DHCR24: variants seen among roughly 807,000 people sequenced by gnomAD.
DHCR24 encodes the protein delta(24)-sterol reductase.
In DHCR24, 28 loss-of-function variants were observed where a neutral mutation model predicts 61.2. That is an observed-to-expected ratio of 0.46 (90% CI 0.34 to 0.63). The LOEUF is 0.63. Ranked by LOEUF, DHCR24 falls within the 20% of genes least tolerant of loss-of-function variation. The pLI, the probability that DHCR24 is intolerant of heterozygous loss-of-function variation, is 0.01. For synonymous variants in DHCR24, 261 were observed against 275.9 expected (o/e 0.95, Z 0.54); for missense variants, 538 against 679.1 (o/e 0.79, Z 2.31).
chr1:54,871,311 C>G, intron 5 of DHCR24, 39 bp downstream of exon 5: 1 of 1,612,010 alleles, frequency 6.2e-7, no homozygotes, highest in South Asian at 1.1e-5. Flanking sequence ...ACTCATGCCT[C>G]CCCAGTCTTG....
intron 6 of DHCR24, 23 bp downstream of exon 6, chr1:54,865,280 G>C: frequency 6.2e-7 from 1 of 1,608,304 alleles, no homozygotes; most frequent in Non-Finnish European, 8.5e-7. Context: ...GAGGAGCCAG[G>C]GCTACAGAAA....
intron 5 of DHCR24, 57 bp from the exon 6 acceptor site, chr1:54,865,503 G>A (rs1646963650): frequency 6.2e-7 from 1 of 1,609,648 alleles, no homozygotes; most frequent in Non-Finnish European, 8.5e-7. Flanking sequence ...GCACCATCGG[G>A]GTGTAACAGC....
intron 6 of DHCR24, among the ~76,000 whole-genome samples, chr1:54,857,202 G>T (rs2101558381): frequency 6.6e-6 from 1 of 152,338 alleles, no homozygotes; most frequent in South Asian, 2.1e-4. Flanking sequence ...TGGGATGTCA[G>T]GGTCCTAAGC....
At chr1:54,864,608 G>A (rs940800764) in intron 6 of DHCR24, among the ~76,000 whole-genome samples, 1 of 152,184 alleles carries the variant, frequency 6.6e-6, no homozygotes. Flanking sequence ...ACTACACAGA[G>A]GTAGTGGTTG....
chr1:54,851,687 A>T lies in DHCR24; in HGVS notation c.*546T>A, dbSNP rs1646875916. 1 of 157,036 alleles carries T rather than the reference A, an allele frequency of 6.4e-6. No individual in the cohort carries two copies. The highest frequency in any genetic ancestry group is 1.4e-5 in the Non-Finnish European group (1 of 70,734). 9.7% of individuals were successfully genotyped at this position (157,036 alleles called of 1,614,324 possible). ...GCCCTCCTGAGATCCCAGGGTGGGG[A>T]AGAGCTGTCCTTCTCCTGTGAGGAC... On this transcript the variant is annotated 3_prime_UTR_variant, in exon 9 of 9. Transcript: ENST00000371269.
intron 5 of DHCR24, among the ~76,000 whole-genome samples, chr1:54,870,997 T>C (rs1646995450): frequency 6.6e-6 from 1 of 152,238 alleles, no homozygotes. Context: ...AAGTTTACAT[T>C]ACCTCTTTTA....
intron 5 of DHCR24, among the ~76,000 whole-genome samples, chr1:54,867,203 G>A (rs1177284202): frequency 1.3e-5 from 2 of 152,240 alleles, no homozygotes; most frequent in Non-Finnish European, 2.9e-5. Context: ...CCTCCTCTGT[G>A]AAATGGGGGT....
Position 54,866,576 on chromosome 1 carries a change from TA to T in DHCR24, c.877-1131del, listed in dbSNP as rs145664337. Among the ~76,000 whole-genome samples the T allele has an allele frequency of 6.9e-3, 1,050 of 152,326 alleles. 9 individuals carry two copies. Among genetic ancestry groups the T allele is most frequent in the African/African-American group, 0.023 (967 of 41,576 alleles). On this transcript the variant is annotated intron_variant, in intron 5 of 8. Coordinates refer to ENST00000371269, the MANE Select transcript of DHCR24 (RefSeq NM_014762.4). ...AGGTTACTTAGCATTTCTGGAAGAC[TA>T]AAAGAGATGATGTAGAAAGTGCCAA...
intron 5 of DHCR24, among the ~76,000 whole-genome samples, chr1:54,865,812 T>G: frequency 7.1e-6 from 1 of 141,722 alleles, no homozygotes; most frequent in Non-Finnish European, 1.6e-5. Context: ...CCTTCCCACC[T>G]TCCCCAAGGC....
intron 2 of DHCR24, among the ~76,000 whole-genome samples, chr1:54,882,708 T>G (rs919700484): frequency 1.3e-5 from 2 of 152,166 alleles, no homozygotes; most frequent in African/African-American, 4.8e-5. Flanking sequence ...TGGATGAATC[T>G]CCAAATAAAG....
Position 54,854,195 on chromosome 1 carries a change from G to T in DHCR24, c.1060C>A (p.Leu354Ile). The T allele has an allele frequency of 6.2e-7, 1 of 1,614,122 alleles. No homozygotes were observed. The highest frequency in any genetic ancestry group is 1.1e-5 in the South Asian group (1 of 91,070). ...TTGGGAGGCACCATCCAGCCAAAGA[G>T]GTAGCGGAAGATGGGGTTGTTGCCA... ...PFGNNPIFRY[L>I]FGWMVPPKIS... The change falls in exon 7 of 9, where the codon CTC becomes ATC. Residue 354 changes from leucine to isoleucine, a missense_variant. Physicochemically the swap from Leu to Ile is conservative, Grantham distance 5. Coordinates refer to ENST00000371269, the MANE Select transcript of DHCR24 (RefSeq NM_014762.4).
chr1:54,859,077 A>G (rs545711457), intron 6 of DHCR24, among the ~76,000 whole-genome samples: 3 of 152,186 alleles, frequency 2.0e-5, no homozygotes, highest in Admixed American at 6.5e-5. Flanking sequence ...GAGAGGTGTG[A>G]CCTACGACTG....
intron 5 of DHCR24, 126 bp downstream of exon 5, chr1:54,871,224 G>A: frequency 9.1e-7 from 1 of 1,096,376 alleles, no homozygotes. Flanking sequence ...CTGTACCCCA[G>A]GTGGGTTGAC....
chr1:54,879,352 A>AAAAAAAAAG lies in DHCR24; in HGVS notation c.388-3306_388-3305insCTTTTTTTT, dbSNP rs573285056. ...AAAAAAAAAAAAAAAAAAAAAAAAA[A>AAAAAAAAAG]TCCAAATCAAACTTCTGGAAATGAA... On this transcript the variant is annotated intron_variant, in intron 2 of 8. Coordinates refer to ENST00000371269, the MANE Select transcript of DHCR24 (RefSeq NM_014762.4). Among the ~76,000 whole-genome samples, 155 of 128,218 alleles carry AAAAAAAAAG rather than the reference A, an allele frequency of 1.2e-3. 11 individuals carry two copies. The highest frequency in any genetic ancestry group is 1.5e-3 in the Non-Finnish European group (92 of 60,884). The allele number at this position is 128,218 out of a possible 152,430, so 84.1% of individuals were successfully genotyped here.
intron 5 of DHCR24, 91 bp from the exon 6 acceptor site, chr1:54,865,537 T>A: frequency 6.4e-7 from 1 of 1,555,666 alleles, no homozygotes; most frequent in Non-Finnish European, 8.8e-7. Context: ...TGTTCAGCAC[T>A]CCTGGCCTTT....
chr1:54,880,036 A>T (rs1647056371), intron 2 of DHCR24, among the ~76,000 whole-genome samples: 1 of 152,192 alleles, frequency 6.6e-6, no homozygotes, highest in South Asian at 2.1e-4. Context: ...ACACACACAC[A>T]CAAAGGGAAA....
intron 6 of DHCR24, among the ~76,000 whole-genome samples, chr1:54,859,531 T>G (rs974013723): frequency 6.6e-6 from 1 of 152,106 alleles, no homozygotes; most frequent in Non-Finnish European, 1.5e-5. Context: ...TGGAGTACAC[T>G]GGCGTGATCT....
intron 1 of DHCR24, among the ~76,000 whole-genome samples, chr1:54,884,851 A>G (rs1170911415): frequency 2.0e-5 from 3 of 152,154 alleles, no homozygotes; most frequent in Non-Finnish European, 4.4e-5. Context: ...TATGAGCCAG[A>G]AACTGTTGGG....
chr1:54,883,678 C>T lies in DHCR24; in HGVS notation c.327G>A (p.Lys109=). 1 of 1,614,204 alleles carries T rather than the reference C, an allele frequency of 6.2e-7. No individual in the cohort carries two copies. Among genetic ancestry groups the T allele is most frequent in the Non-Finnish European group, 8.5e-7 (1 of 1,180,034 alleles). The change falls in exon 2 of 9, where the codon AAG becomes AAA. Residue 109 remains lysine, a synonymous_variant. Transcript: ENST00000371269. This position sits in a 1 kb window ranked among gnomAD's most constrained non-coding sequence, Gnocchi z 4.3. ...TVSLRVGKYK[K]THKNIMINLM... is the part of the protein sequence containing the mutation. Reference sequence around the variant, plus strand: ...GGTTGATCATGATGTTTTTGTGTGTCTTCTTGTACTTCCCGACACGTAGTG... The same window carrying T: ...GGTTGATCATGATGTTTTTGTGTGTTTTCTTGTACTTCCCGACACGTAGTG...
Sources: allele counts gnomAD v4.1 joint callset (sites outside exome capture counted in the v4.1 genomes callset), GRCh38; gene constraint gnomAD v4.1.1; non-coding constraint Gnocchi (gnomAD v3.1); transcripts MANE v1.5; gene names NCBI Gene and HGNC (gene_info 2026-07-23, HGNC 2026-07-21).